Variants in ENAH observed in about 807,000 individuals in gnomAD.
The protein encoded by ENAH is ENAH actin regulator, also known as protein enabled homolog.
Under a neutral mutation model 78.7 loss-of-function variants are expected in ENAH, and 23 were observed. The ratio of observed to expected loss-of-function variants is 0.29; its 90% CI spans 0.21 to 0.41. ENAH has a LOEUF of 0.41. Among genes scored for constraint, ENAH ranks in the 10% least tolerant of loss-of-function variants. The pLI, the probability that ENAH is intolerant of heterozygous loss-of-function variation, is 1.00. For missense variants in ENAH, 544 were observed against 691.0 expected (o/e 0.79, Z 2.39); for synonymous variants, 226 against 241.0 (o/e 0.94, Z 0.58).
chr1:225,540,230 G>T (rs1436826975), intron 3 of ENAH, among the ~76,000 whole-genome samples: 1 of 152,168 alleles, frequency 6.6e-6, no homozygotes, highest in Non-Finnish European at 1.5e-5. Flanking sequence ...CTAAAAGCTG[G>T]AAGTTTCAGG....
chr1:225,612,484 A>C (rs1365803369), intron 1 of ENAH, among the ~76,000 whole-genome samples: 3 of 152,200 alleles, frequency 2.0e-5, no homozygotes, highest in African/African-American at 4.8e-5. Flanking sequence ...TAGGGTGATG[A>C]AAAAGTTCTG....
intron 1 of ENAH, among the ~76,000 whole-genome samples, chr1:225,618,507 CCT>C (rs1403357194): frequency 6.6e-6 from 1 of 152,146 alleles, no homozygotes; most frequent in Non-Finnish European, 1.5e-5. Flanking sequence ...AAGATAATCA[CCT>C]CTCTGTTCCT....
In ENAH at chr1:225,489,227, G is replaced by A. The variant is rs1278200539; in HGVS notation, c.*8548C>T. On this transcript the variant is annotated 3_prime_UTR_variant, in exon 14 of 14. Coordinates refer to ENST00000366843, the MANE Select transcript of ENAH (RefSeq NM_018212.6). ...TATAATTGGAGCATGGATCTCGTGT[G>A]GTCCCATTACATGATTGGAATCAGT... 6.6e-6 allele frequency: 1 copy of A among 152,090 alleles called. No individual in the cohort carries two copies. Among genetic ancestry groups the A allele is most frequent in the African/African-American group, 2.4e-5 (1 of 41,396 alleles). 9.4% of individuals were successfully genotyped at this position (152,090 alleles called of 1,614,324 possible). A position where few individuals can be genotyped will look rare whatever the true frequency, so the allele number is the denominator to read the frequency against.
intron 1 of ENAH, among the ~76,000 whole-genome samples, chr1:225,617,085 C>G (rs1022278194): frequency 6.7e-6 from 1 of 149,766 alleles, no homozygotes; most frequent in South Asian, 2.1e-4. Context: ...GGCAACACAG[C>G]AAGGCTCCAT....
chr1:225,528,827 A>G (rs1452988627), intron 4 of ENAH, among the ~76,000 whole-genome samples: 1 of 152,092 alleles, frequency 6.6e-6, no homozygotes, highest in East Asian at 1.9e-4. Context: ...ATCCCCCAAC[A>G]AGACCTGCTC....
At chr1:225,604,806 C>CA (rs1421838899) in intron 1 of ENAH, among the ~76,000 whole-genome samples, 2 of 150,922 alleles carry the variant, frequency 1.3e-5, no homozygotes, top group Non-Finnish European at 1.5e-5. Context: ...CAAAAACAAA[C>CA]AAAAAAAGGA....
rs371131472 is a variant in ENAH, at chr1:225,551,494, C to T, written c.349+3412G>A. On this transcript the variant is annotated intron_variant, in intron 3 of 13. Transcript: ENST00000366843. ...TGTGATTATTGGTTTTAGCACAAAA[C>T]GTGAGCTAGTAATTTTCAAATTCAG... 1.2e-4 allele frequency among the ~76,000 whole-genome samples: 19 copies of T among 152,032 alleles called. No individual in the cohort carries two copies. In the East Asian group the frequency reaches 2.9e-3, roughly 23 times the overall value.
At chr1:225,517,436 G>A in intron 5 of ENAH, 130 bp from the exon 6 acceptor site, 1 of 1,551,772 alleles carries the variant, frequency 6.4e-7, no homozygotes, top group Non-Finnish European at 8.7e-7. Context: ...GGCGGCGGCG[G>A]AGGAGCTGCT....
intron 10 of ENAH, 114 bp downstream of exon 10, chr1:225,511,697 C>G: frequency 1.6e-6 from 1 of 626,736 alleles, no homozygotes; most frequent in East Asian, 3.0e-5. Flanking sequence ...AGAACTCTGG[C>G]ATTTTAGTGT....
At chr1:225,504,003 T>C (rs562941172) in intron 11 of ENAH, among the ~76,000 whole-genome samples, 1 of 151,350 alleles carries the variant, frequency 6.6e-6, no homozygotes, top group Non-Finnish European at 1.5e-5. Flanking sequence ...AGGTTTTTAT[T>C]TCACTTTTTT....
chr1:225,562,612 G>GCATAGTAC (rs1225512074), intron 2 of ENAH, among the ~76,000 whole-genome samples: 1 of 122,490 alleles, frequency 8.2e-6, no homozygotes, highest in Non-Finnish European at 1.7e-5. Flanking sequence ...ACACACCCAA[G>GCATAGTAC]CATAGTACCC....
chr1:225,523,983 CTTTAA>C (rs1430644415), intron 4 of ENAH, among the ~76,000 whole-genome samples: 1 of 152,078 alleles, frequency 6.6e-6, no homozygotes, highest in Non-Finnish European at 1.5e-5. Flanking sequence ...TGACGGACTA[CTTTAA>C]TTTTTCTTTT....
chr1:225,651,489 T>G (rs966141130), intron 1 of ENAH, among the ~76,000 whole-genome samples: 26 of 152,168 alleles, frequency 1.7e-4, no homozygotes, highest in African/African-American at 6.0e-4. Context: ...AGCGAAGGAA[T>G]TTGTAGATTA....
chr1:225,614,839 C>A (rs2097015396), intron 1 of ENAH, among the ~76,000 whole-genome samples: 2 of 152,194 alleles, frequency 1.3e-5, no homozygotes, highest in Admixed American at 1.3e-4. Context: ...ACCACATTTA[C>A]CTATTTTCAC....
chr1:225,619,159 G>A (rs1656348167), intron 1 of ENAH, among the ~76,000 whole-genome samples: 1 of 152,050 alleles, frequency 6.6e-6, no homozygotes, highest in Non-Finnish European at 1.5e-5. Context: ...ATTACCATGT[G>A]CAATGTTTCC....
At position 225,486,858 on chromosome 1, in the gene ENAH, C is replaced by G. The variant is rs912786509; in HGVS notation, c.*10917G>C. 1 of 152,392 alleles carries G rather than the reference C, an allele frequency of 6.6e-6. No individual in the cohort carries two copies. Among genetic ancestry groups the G allele is most frequent in the African/African-American group, 2.4e-5 (1 of 41,402 alleles). 9.4% of individuals were successfully genotyped at this position (152,392 alleles called of 1,614,324 possible). A position where few individuals can be genotyped will look rare whatever the true frequency, so the allele number is the denominator to read the frequency against. On this transcript the variant is annotated 3_prime_UTR_variant, in exon 14 of 14. Coordinates refer to ENST00000366843, the MANE Select transcript of ENAH (RefSeq NM_018212.6). ...AATTAAGTATTTCATGTTTTTATTT[C>G]AAAAGAAAAAAGGATACCAAGAAGC...
At position 225,486,996 on chromosome 1, in the gene ENAH, T is replaced by C. The variant is rs2096203863; in HGVS notation, c.*10779A>G. ...ACTTAATGCAAACACAGGGGTCTGATGCTGCAAACCTAAGTCACATGAGTC... is the reference window on the plus strand; with the variant it reads ...ACTTAATGCAAACACAGGGGTCTGACGCTGCAAACCTAAGTCACATGAGTC... On this transcript the variant is annotated 3_prime_UTR_variant, in exon 14 of 14. Coordinates refer to ENST00000366843, the MANE Select transcript of ENAH (RefSeq NM_018212.6). The C allele has an allele frequency of 6.5e-6, 1 of 152,696 alleles. No homozygotes were observed. Among genetic ancestry groups the C allele is most frequent in the Admixed American group, 6.5e-5 (1 of 15,290 alleles). 9.5% of individuals were successfully genotyped at this position (152,696 alleles called of 1,614,324 possible). A position where few individuals can be genotyped will look rare whatever the true frequency, so the allele number is the denominator to read the frequency against.
intron 2 of ENAH, among the ~76,000 whole-genome samples, chr1:225,562,571 C>CAAAAAAAAAA (rs869309795): frequency 1.8e-4 from 7 of 38,096 alleles, no homozygotes; most frequent in East Asian, 2.4e-3. Context: ...GACTGCGTCT[C>CAAAAAAAAAA]AAAAAAAAAA....
intron 11 of ENAH, among the ~76,000 whole-genome samples, chr1:225,507,150 G>C (rs897467195): frequency 5.3e-5 from 8 of 152,014 alleles, no homozygotes; most frequent in Non-Finnish European, 1.2e-4. Flanking sequence ...ACATGTACTT[G>C]TAGAAACAAG....
Sources: allele counts gnomAD v4.1 joint callset (sites outside exome capture counted in the v4.1 genomes callset), GRCh38; gene constraint gnomAD v4.1.1; transcripts MANE v1.5; gene names NCBI Gene and HGNC (gene_info 2026-07-23, HGNC 2026-07-21).